PTPRG: variants seen among roughly 807,000 people sequenced by gnomAD.
PTPRG encodes protein tyrosine phosphatase receptor type G.
Under a neutral mutation model 165.3 loss-of-function variants are expected in PTPRG, and 102 were observed. The ratio of observed to expected loss-of-function variants is 0.62; its 90% CI spans 0.53 to 0.73. The LOEUF (loss-of-function observed/expected upper bound fraction) is 0.73, where lower values mean the gene tolerates loss of function less well. PTPRG is among the 30% of genes least tolerant of loss of function. The probability of loss-of-function intolerance (pLI) is 0.00; values close to 1 mark genes in which losing one functional copy is unlikely to be tolerated. For synonymous variants in PTPRG, 675 were observed against 669.5 expected, an observed-to-expected ratio of 1.01 and a Z score of -0.13; for missense variants, 1,866 against 1,861.4, an observed-to-expected ratio of 1.00 and a Z score of -0.05.
At chr3:62,236,655 CTGATG>C (rs1701040063) in intron 14 of PTPRG, among the ~76,000 whole-genome samples, 2 of 152,200 alleles carry the variant, frequency 1.3e-5, no homozygotes, top group Admixed American at 6.5e-5. Flanking sequence ...CTTTGCCACC[CTGATG>C]TGATTATAGA....
intron 2 of PTPRG, among the ~76,000 whole-genome samples, chr3:61,755,255 G>A (rs531632270): frequency 7.2e-4 from 109 of 152,268 alleles, no homozygotes; most frequent in Non-Finnish European, 1.4e-3. Context: ...TGATCTGCCT[G>A]TCTTGGCCTC....
intron 1 of PTPRG, among the ~76,000 whole-genome samples, chr3:61,653,903 G>GCGGGGT (rs1553644926): frequency 1.2e-4 from 17 of 137,826 alleles, no homozygotes; most frequent in Admixed American, 6.7e-4. Flanking sequence ...GAGCGGTGGG[G>GCGGGGT]GGCGCGGGGA....
At chr3:61,671,575 A>G (rs888752736) in intron 1 of PTPRG, among the ~76,000 whole-genome samples, 3 of 147,120 alleles carry the variant, frequency 2.0e-5, no homozygotes, top group South Asian at 2.2e-4. Flanking sequence ...CGATTTCTCA[A>G]TCTTTTCCCC....
At chr3:61,647,889 C>T (rs1166424790) in intron 1 of PTPRG, among the ~76,000 whole-genome samples, 1 of 151,340 alleles carries the variant, frequency 6.6e-6, no homozygotes, top group African/African-American at 2.4e-5. Context: ...CCCTTGATGC[C>T]TTGAGATGTT....
At chr3:61,603,447 C>G (rs559612019) in intron 1 of PTPRG, among the ~76,000 whole-genome samples, 1 of 152,184 alleles carries the variant, frequency 6.6e-6, no homozygotes, top group Non-Finnish European at 1.5e-5. Flanking sequence ...GAGGCTTCAC[C>G]GGAAGCCAAG....
intron 2 of PTPRG, among the ~76,000 whole-genome samples, chr3:61,860,681 T>G (rs927797868): frequency 1.3e-5 from 2 of 152,078 alleles, no homozygotes; most frequent in Non-Finnish European, 2.9e-5. Flanking sequence ...TGACCTCAAG[T>G]GATCCACCCG....
At chr3:61,930,853 G>C (rs941815083) in intron 2 of PTPRG, among the ~76,000 whole-genome samples, 3 of 152,146 alleles carry the variant, frequency 2.0e-5, no homozygotes, top group African/African-American at 4.8e-5. Flanking sequence ...ACGAGGTCAG[G>C]AGTTCGAGAC....
chr3:61,996,827 C>T (rs111818219), intron 3 of PTPRG, among the ~76,000 whole-genome samples: 3,266 of 152,244 alleles, frequency 0.021, 50 homozygotes, highest in South Asian at 0.05. Context: ...CACTGGGTCA[C>T]TCTTTGGCTA....
intron 1 of PTPRG, among the ~76,000 whole-genome samples, chr3:61,716,040 G>C (rs1304461913): frequency 6.6e-6 from 1 of 152,150 alleles, no homozygotes; most frequent in Non-Finnish European, 1.5e-5. Context: ...AGGGTGCTGG[G>C]AACACTGAAA....
At chr3:62,112,593 G>A (rs995739122) in intron 5 of PTPRG, among the ~76,000 whole-genome samples, 1 of 152,202 alleles carries the variant, frequency 6.6e-6, no homozygotes, top group East Asian at 1.9e-4. Flanking sequence ...GATATTAACT[G>A]TTACTATTAT....
At chr3:61,642,027 G>T (rs187514998) in intron 1 of PTPRG, among the ~76,000 whole-genome samples, 1 of 152,176 alleles carries the variant, frequency 6.6e-6, no homozygotes, top group Non-Finnish European at 1.5e-5. Flanking sequence ...GCCGTTGCCC[G>T]CAAGGCCGCT....
intron 2 of PTPRG, among the ~76,000 whole-genome samples, chr3:61,788,452 T>G (rs1311649532): frequency 6.6e-6 from 1 of 152,206 alleles, no homozygotes. Context: ...CTGTGACATT[T>G]TGAGATACCT....
intron 1 of PTPRG, among the ~76,000 whole-genome samples, chr3:61,605,850 G>A (rs569522213): frequency 6.6e-6 from 1 of 152,286 alleles, no homozygotes; most frequent in Non-Finnish European, 1.5e-5. Context: ...TGGGACTACA[G>A]ATGTGAGTCA....
chr3:61,674,077 C>A (rs933339324), intron 1 of PTPRG, among the ~76,000 whole-genome samples: 11 of 151,576 alleles, frequency 7.3e-5, no homozygotes, highest in African/African-American at 1.9e-4. Context: ...AAATACCTAA[C>A]GTAGATGACG....
At chr3:61,828,252 G>A (rs917686416) in intron 2 of PTPRG, among the ~76,000 whole-genome samples, 3 of 152,202 alleles carry the variant, frequency 2.0e-5, no homozygotes, top group Non-Finnish European at 4.4e-5. Flanking sequence ...GCTAGCAAAG[G>A]AGTAAGTTAT....
At chr3:61,921,071 T>C (rs959259445) in intron 2 of PTPRG, among the ~76,000 whole-genome samples, 1 of 151,858 alleles carries the variant, frequency 6.6e-6, no homozygotes, top group Non-Finnish European at 1.5e-5. Context: ...TTAATTACTT[T>C]CTTTTCTCCT....
intron 4 of PTPRG, among the ~76,000 whole-genome samples, chr3:62,011,513 G>A (rs550456173): frequency 2.0e-5 from 3 of 152,210 alleles, no homozygotes; most frequent in South Asian, 2.1e-4. Flanking sequence ...CTATTCTGTG[G>A]TGTAGCCTAG....
intron 11 of PTPRG, among the ~76,000 whole-genome samples, chr3:62,201,929 C>T (rs1278530173): frequency 6.6e-6 from 1 of 152,062 alleles, no homozygotes; most frequent in Admixed American, 6.6e-5. Context: ...ATTTCTGGAA[C>T]CAGAATTAAT....
chr3:61,660,181 TGCCACTGCACTCCA>T (rs1362659418), intron 1 of PTPRG, among the ~76,000 whole-genome samples: 2 of 152,136 alleles, frequency 1.3e-5, no homozygotes, highest in African/African-American at 2.4e-5. Flanking sequence ...GGTCAGATCA[TGCCACTGCACTCCA>T]GCCTGGCGAC....
Sources: allele counts gnomAD v4.1 joint callset (sites outside exome capture counted in the v4.1 genomes callset), GRCh38; gene constraint gnomAD v4.1.1; transcripts MANE v1.5; gene names NCBI Gene and HGNC (gene_info 2026-07-23, HGNC 2026-07-21).